The following EEF1D variants were observed in gnomAD, a reference collection of about 807,000 sequenced individuals.
EEF1D encodes the protein eukaryotic translation elongation factor 1 delta.
EEF1D carries 47 observed loss-of-function variants against 63.9 expected under a neutral mutation model. The ratio of observed to expected loss-of-function variants is 0.74; its 90% CI spans 0.58 to 0.94. The LOEUF is 0.94. Ranked by LOEUF, EEF1D falls within the 40% of genes least tolerant of loss-of-function variation. The probability of loss-of-function intolerance (pLI) is 0.00; values close to 1 mark genes in which losing one functional copy is unlikely to be tolerated. For synonymous variants in EEF1D, 412 were observed against 386.1 expected (o/e 1.07, Z -0.79); for missense variants, 907 against 899.0 (o/e 1.01, Z -0.11).
chr8:143,581,583 G>A, intron 5 of EEF1D: 1 of 560,526 alleles, frequency 1.8e-6, no homozygotes, highest in South Asian at 2.3e-5. Context: ...GGGGAGCTGG[G>A]CCATGGCTGC....
chr8:143,583,298 T>G (rs1259087870), intron 5 of EEF1D: 2 of 152,232 alleles, frequency 1.3e-5, no homozygotes, highest in Non-Finnish European at 2.9e-5. Flanking sequence ...TACATGTGGT[T>G]TAAGTCACCC....
At chr8:143,594,078 A>T (rs765603190) in intron 1 of EEF1D, 5 of 219,384 alleles carry the variant, frequency 2.3e-5, no homozygotes, top group Non-Finnish European at 3.1e-5. Flanking sequence ...CTTTCTAAAG[A>T]GAACACAGGG....
chr8:143,589,504 C>G lies in EEF1D; in HGVS notation c.578G>C (p.Arg193Thr), dbSNP rs202187612. Residue 193 changes from arginine (R) to threonine (T), a missense_variant, in exon 3 of 10, where the codon AGG becomes ACG. Physicochemically the swap from Arg to Thr is moderately conservative, Grantham distance 71 (BLOSUM62 -1). Transcript: ENST00000618139. The stretch of plus-strand genomic sequence containing the variant: ...CTGGCCTGTGTTGGGAGTCCCCTGC[C>G]TGCGGCTGCCGTCGGGGGCCAGCAA... ...ALLLAPDGSR[R>T]QGTPNTGQQV... The G allele has an allele frequency of 7.9e-5, 120 of 1,516,954 alleles. No individual in the cohort carries two copies. The East Asian group carries it at 2.7e-3, about 34-fold the overall frequency. 94.0% of individuals were successfully genotyped at this position (1,516,954 alleles called of 1,614,324 possible).
At chr8:143,586,902 C>T in intron 3 of EEF1D, 50 bp from the exon 4 acceptor site, 5 of 1,606,592 alleles carry the variant, frequency 3.1e-6, no homozygotes, top group Non-Finnish European at 4.3e-6. Context: ...TGGGCCTCGG[C>T]ATCAGGACAG....
At chr8:143,586,120 C>T in intron 5 of EEF1D, 99 bp downstream of exon 5, 1 of 1,138,346 alleles carries the variant, frequency 8.8e-7, no homozygotes, top group Non-Finnish European at 1.3e-6. Flanking sequence ...CCTGCCCTGA[C>T]TCTGCTGTGA....
intron 1 of EEF1D, among the ~76,000 whole-genome samples, chr8:143,594,715 C>A (rs775215900): frequency 3.9e-5 from 6 of 152,240 alleles, no homozygotes; most frequent in Non-Finnish European, 7.3e-5. Flanking sequence ...CACCCCTCTC[C>A]GGCCCACCTG....
intron 1 of EEF1D, chr8:143,593,958 C>G (rs372047683): frequency 1.0e-6 from 1 of 980,552 alleles, no homozygotes; most frequent in East Asian, 1.1e-4. Context: ...ACGTGCAAGC[C>G]TCTCCTCTCC....
In EEF1D at chr8:143,589,192, T is replaced by C; in HGVS notation, c.890A>G (p.Glu297Gly). 6.3e-7 allele frequency: 1 copy of C among 1,594,086 alleles called. No individual in the cohort carries two copies. Among genetic ancestry groups the C allele is most frequent in the Admixed American group, 1.7e-5 (1 of 58,298 alleles). The stretch of plus-strand genomic sequence containing the variant: ...ACAGTAGGGCAAGGCAGAGGGGGCC[T>C]CCCCATCGGCCCGTCGCAGCCCGGC... ...KRAGLRRADG[E>G]APSALPYCYF... Residue 297 changes from glutamate to glycine, a missense_variant, in exon 3 of 10, where the codon GAG (glutamate) becomes GGG (glycine). Transcript: ENST00000618139.
intron 7 of EEF1D, 32 bp downstream of exon 7, chr8:143,581,022 C>T (rs1362905445): frequency 6.2e-7 from 1 of 1,604,780 alleles, no homozygotes; most frequent in Admixed American, 1.7e-5. Flanking sequence ...CACGTGGTCC[C>T]CTGCAGTGTC....
chr8:143,596,663 G>A (rs1828882732), intron 1 of EEF1D: 1 of 152,264 alleles, frequency 6.6e-6, no homozygotes, highest in Non-Finnish European at 1.5e-5. Flanking sequence ...GCTGCCAGGC[G>A]GTCCTTCATT....
intron 5 of EEF1D, among the ~76,000 whole-genome samples, chr8:143,584,719 A>T (rs1826228926): frequency 6.6e-6 from 1 of 152,178 alleles, no homozygotes; most frequent in South Asian, 2.1e-4. Context: ...CTAAACTGCC[A>T]CGAACATGCT....
At chr8:143,586,950 T>C (rs1826776709) in intron 3 of EEF1D, 98 bp from the exon 4 acceptor site, 1 of 1,520,056 alleles carries the variant, frequency 6.6e-7, no homozygotes, top group South Asian at 1.2e-5. Context: ...TGACACCCGC[T>C]TCAGACACCA....
intron 5 of EEF1D, 21 bp downstream of exon 5, chr8:143,586,198 C>T: frequency 1.9e-6 from 3 of 1,600,890 alleles, no homozygotes; most frequent in Admixed American, 1.7e-5. Flanking sequence ...GCCCGCAGGT[C>T]CGTGGGCCGC....
At chr8:143,582,191 T>C (rs954628102) in intron 5 of EEF1D, 1 of 152,376 alleles carries the variant, frequency 6.6e-6, no homozygotes, top group Non-Finnish European at 1.5e-5. Context: ...GGGGCCCTCC[T>C]GCCACCGTCC....
chr8:143,592,734 G>A, intron 1 of EEF1D, 74 bp from the exon 2 acceptor site: 1 of 984,986 alleles, frequency 1.0e-6, no homozygotes, highest in Non-Finnish European at 1.2e-6. Flanking sequence ...CACAGCAGCA[G>A]GTCAGCCCGG....
Position 143,580,616 on chromosome 8 carries a change from C to T in EEF1D, c.1600G>A (p.Asp534Asn), listed in dbSNP as rs1223444042. The T allele has an allele frequency of 1.4e-5, 23 of 1,613,656 alleles. No individual in the cohort carries two copies. Among genetic ancestry groups the T allele is most frequent in the African/African-American group, 2.7e-5 (2 of 74,938 alleles). ...DLFGSDNEEE[D>N]KEAAQLREER... is the part of the protein sequence containing the mutation. ...TCCCGCAGCTGTGCCGCCTCCTTGT[C>T]CTCCTCCTCATTGTCACTGCCAAAC... Residue 534 changes from aspartate to asparagine, a missense_variant, in exon 8 of 10, where the codon GAC becomes AAC. Physicochemically the swap from Asp to Asn is conservative, Grantham distance 23. Coordinates refer to ENST00000618139, the MANE Select transcript of EEF1D (RefSeq NM_001130053.5).
In EEF1D at chr8:143,590,095, C is replaced by A. The variant is rs200364826; in HGVS notation, c.1-14G>T. 7 of 1,598,246 alleles carry A rather than the reference C, an allele frequency of 4.4e-6. No homozygotes were observed. Among genetic ancestry groups the A allele is most frequent in the African/African-American group, 2.7e-5 (2 of 75,056 alleles). ...CCCGCTCCTCATCTTCCGGACACAG[C>A]GATAAAAAGCAAGCAGAGGGCAGAG... On this transcript the variant is annotated splice_polypyrimidine_tract_variant and intron_variant, in intron 2 of 9. Coordinates refer to ENST00000618139, the MANE Select transcript of EEF1D (RefSeq NM_001130053.5).
rs1037219516 is a variant in EEF1D at position 143,586,109 on chromosome 8, C to T, written c.1287+110G>A. 1.4e-5 allele frequency: 14 copies of T among 973,538 alleles called. No individual in the cohort carries two copies. In the East Asian group the frequency reaches 3.2e-4, roughly 22 times the overall value. The allele number at this position is 973,538 out of a possible 1,614,324, so 60.3% of individuals were successfully genotyped here. A position where few individuals can be genotyped will look rare whatever the true frequency, so the allele number is the denominator to read the frequency against. ...GTCCCAAGGAGCACAGCGCCGTGCA[C>T]CCTGCCCTGACTCTGCTGTGAAGCC... On this transcript the variant is annotated intron_variant, in intron 5 of 9. Coordinates refer to ENST00000618139, the MANE Select transcript of EEF1D (RefSeq NM_001130053.5).
At chr8:143,586,155 G>A (rs868197356) in intron 5 of EEF1D, 64 bp downstream of exon 5, 2 of 1,500,930 alleles carry the variant, frequency 1.3e-6, no homozygotes, top group Middle Eastern at 4.8e-4. Flanking sequence ...GCAGCATCAG[G>A]AAAAATCAGA....
Sources: gnomAD v4.1 joint callset for allele counts (sites outside exome capture counted in the v4.1 genomes callset) on GRCh38, gnomAD v4.1.1 for gene constraint, MANE v1.5 for transcripts, NCBI Gene and HGNC (gene_info 2026-07-23, HGNC 2026-07-21) for gene names.